The following PARD3 variants were observed in gnomAD, a reference collection of about 807,000 sequenced individuals.
The protein encoded by PARD3 is par-3 family cell polarity regulator.
A neutral mutation model predicts 155.4 loss-of-function variants in PARD3; 75 were observed. The observed-to-expected ratio is 0.48, with a 90% CI of 0.40 to 0.58. The LOEUF is 0.58. Among genes scored for constraint, PARD3 ranks in the 20% least tolerant of loss-of-function variants. PARD3 has a pLI of 0.00. For missense variants in PARD3, 1,642 were observed against 1,721.7 expected, an observed-to-expected ratio of 0.95 and a Z score of 0.82; for synonymous variants, 576 against 610.5, an observed-to-expected ratio of 0.94 and a Z score of 0.83.
intron 2 of PARD3, among the ~76,000 whole-genome samples, chr10:34,612,305 A>C (rs1327072146): frequency 3.3e-5 from 5 of 152,184 alleles, no homozygotes. Flanking sequence ...AATTTTAACA[A>C]ATCCTATTCC....
At chr10:34,339,975 T>G (rs1836626141) in intron 16 of PARD3, among the ~76,000 whole-genome samples, 1 of 152,210 alleles carries the variant, frequency 6.6e-6, no homozygotes, top group Non-Finnish European at 1.5e-5. Context: ...TATTGGCCTT[T>G]TGTTTTCATA....
chr10:34,322,666 G>A (rs773196911), intron 19 of PARD3, among the ~76,000 whole-genome samples: 4 of 151,972 alleles, frequency 2.6e-5, no homozygotes, highest in South Asian at 2.1e-4. Context: ...TATACAAAAC[G>A]AAAATATCAT....
At chr10:34,282,808 T>C (rs1488276573) in intron 21 of PARD3, among the ~76,000 whole-genome samples, 6 of 152,116 alleles carry the variant, frequency 3.9e-5, no homozygotes, top group Non-Finnish European at 8.8e-5. Context: ...CTAAATGCTA[T>C]GGCACACACA....
At chr10:34,361,523 C>T (rs1839438914) in intron 12 of PARD3, among the ~76,000 whole-genome samples, 1 of 152,046 alleles carries the variant, frequency 6.6e-6, no homozygotes, top group Admixed American at 6.5e-5. Flanking sequence ...AAAATCAACC[C>T]AAGGAATTTG....
chr10:34,382,926 G>A lies in PARD3; in HGVS notation c.1017-4C>T, dbSNP rs370328208. 1 of 1,611,632 alleles carries A rather than the reference G, an allele frequency of 6.2e-7. No individual in the cohort carries two copies. The highest frequency in any genetic ancestry group is 8.5e-7 in the Non-Finnish European group (1 of 1,179,342). On this transcript the variant is annotated splice_polypyrimidine_tract_variant and splice_region_variant and intron_variant, in intron 8 of 24. Coordinates refer to ENST00000374788, the MANE Select transcript of PARD3 (RefSeq NM_001184785.2). Reference sequence around the variant, plus strand: ...TTGGCGAAACATATGTTGTGCTCTGGGTTTGAGAAAGAATAGAAAATTAGC... The same window carrying A: ...TTGGCGAAACATATGTTGTGCTCTGAGTTTGAGAAAGAATAGAAAATTAGC...
At chr10:34,162,178 A>G (rs1178721642) in intron 22 of PARD3, among the ~76,000 whole-genome samples, 1 of 152,132 alleles carries the variant, frequency 6.6e-6, no homozygotes, top group Non-Finnish European at 1.5e-5. Context: ...GTTTGCCTGA[A>G]CACGCCCAGA....
intron 19 of PARD3, 106 bp from the exon 20 acceptor site, chr10:34,317,444 T>G: frequency 2.1e-5 from 24 of 1,144,306 alleles, no homozygotes; most frequent in African/African-American, 3.1e-5. Context: ...TTTACTGCAG[T>G]ATGGCCCTGC....
chr10:34,263,501 A>G (rs1479620013), intron 22 of PARD3, among the ~76,000 whole-genome samples: 1 of 149,160 alleles, frequency 6.7e-6, no homozygotes, highest in African/African-American at 2.5e-5. Context: ...TACAAAAAAT[A>G]AAAAAAAAAT....
chr10:34,226,117 CAA>C (rs1952587998), intron 22 of PARD3, among the ~76,000 whole-genome samples: 1 of 151,942 alleles, frequency 6.6e-6, no homozygotes, highest in African/African-American at 2.4e-5. Context: ...AAAACGGAGG[CAA>C]AAGATATGAA....
intron 1 of PARD3, among the ~76,000 whole-genome samples, chr10:34,777,811 TGTGAGCCACC>T (rs1381221561): frequency 2.0e-5 from 3 of 151,982 alleles, no homozygotes; most frequent in Non-Finnish European, 4.4e-5. Flanking sequence ...GGATTACAGG[TGTGAGCCACC>T]TCACCCAGCC....
intron 3 of PARD3, among the ~76,000 whole-genome samples, chr10:34,512,792 T>C (rs2081479105): frequency 6.6e-6 from 1 of 152,206 alleles, no homozygotes; most frequent in Admixed American, 6.5e-5. Flanking sequence ...GTACACTTTT[T>C]CTTCTATACT....
intron 2 of PARD3, among the ~76,000 whole-genome samples, chr10:34,564,324 C>T (rs2085748559): frequency 6.6e-6 from 1 of 152,160 alleles, no homozygotes; most frequent in South Asian, 2.1e-4. Flanking sequence ...CAAGACAAGG[C>T]TGGCTAACTC....
intron 2 of PARD3, among the ~76,000 whole-genome samples, chr10:34,639,685 C>T (rs1426151356): frequency 6.6e-6 from 1 of 152,124 alleles, no homozygotes; most frequent in Non-Finnish European, 1.5e-5. Context: ...GAGCAATACC[C>T]CATTTCTACA....
chr10:34,747,194 C>T (rs184632736), intron 1 of PARD3, among the ~76,000 whole-genome samples: 21 of 152,242 alleles, frequency 1.4e-4, no homozygotes, highest in Admixed American at 1.1e-3. Context: ...GACTGGTTTG[C>T]TTTTTTGGCT....
intron 5 of PARD3, among the ~76,000 whole-genome samples, chr10:34,436,816 A>G (rs74487136): frequency 9.1e-4 from 138 of 152,332 alleles, no homozygotes; most frequent in Non-Finnish European, 1.7e-3. Context: ...ATATTAAGAA[A>G]AAAAAAATCA....
At chr10:34,642,512 C>T (rs1323772720) in intron 2 of PARD3, among the ~76,000 whole-genome samples, 1 of 152,064 alleles carries the variant, frequency 6.6e-6, no homozygotes, top group Admixed American at 6.5e-5. Flanking sequence ...ACTTCCAGGT[C>T]CATTTCTCCT....
At chr10:34,183,977 TG>T (rs1421834156) in intron 22 of PARD3, among the ~76,000 whole-genome samples, 1 of 152,196 alleles carries the variant, frequency 6.6e-6, no homozygotes, top group African/African-American at 2.4e-5. Context: ...CCATCATGGC[TG>T]GCTAATTTTT....
intron 2 of PARD3, among the ~76,000 whole-genome samples, chr10:34,546,766 A>G (rs2084107085): frequency 6.6e-6 from 1 of 152,218 alleles, no homozygotes; most frequent in Non-Finnish European, 1.5e-5. Context: ...ATTGGAATTA[A>G]CCGAACTGGC....
At chr10:34,769,834 T>C (rs1302702671) in intron 1 of PARD3, among the ~76,000 whole-genome samples, 1 of 145,468 alleles carries the variant, frequency 6.9e-6, no homozygotes, top group Non-Finnish European at 1.5e-5. Context: ...CCATACCTAG[T>C]GTTCTTCAGT....
Sources: gnomAD v4.1 joint callset for allele counts (sites outside exome capture counted in the v4.1 genomes callset) on GRCh38, gnomAD v4.1.1 for gene constraint, MANE v1.5 for transcripts, NCBI Gene and HGNC (gene_info 2026-07-23, HGNC 2026-07-21) for gene names.